KCNA6: variants seen among roughly 807,000 people sequenced by gnomAD.
KCNA6 encodes potassium voltage-gated channel subfamily A member 6.
A neutral mutation model predicts 29.5 loss-of-function variants in KCNA6; 17 were observed. The observed-to-expected ratio is 0.58, with a 90% CI of 0.39 to 0.86. The LOEUF (loss-of-function observed/expected upper bound fraction) is 0.86. KCNA6 is among the 40% of genes least tolerant of loss of function. The pLI, the probability that KCNA6 is intolerant of heterozygous loss-of-function variation, is 0.00. For missense variants in KCNA6, 450 were observed against 703.4 expected (o/e 0.64, Z 4.07); for synonymous variants, 296 against 304.7 (o/e 0.97, Z 0.30).
the KCNA6 span, among the ~76,000 whole-genome samples, chr12:4,834,815 GCTGA>G: frequency 6.6e-6 from 1 of 152,162 alleles, no homozygotes; most frequent in Admixed American, 6.5e-5. Context: ...CTCTTTTACA[GCTGA>G]CTTTCAGGAG....
At chr12:4,821,328 G>A in the KCNA6 span, among the ~76,000 whole-genome samples, 3 of 152,260 alleles carry the variant, frequency 2.0e-5, no homozygotes, top group Non-Finnish European at 4.4e-5. Context: ...TGTGCTTCAG[G>A]GGAAGGATCG....
the KCNA6 span, among the ~76,000 whole-genome samples, chr12:4,819,099 C>T: frequency 6.6e-6 from 1 of 152,174 alleles, no homozygotes; most frequent in African/African-American, 2.4e-5. Flanking sequence ...CATGCTTATA[C>T]ATATACCCAC....
the KCNA6 span, among the ~76,000 whole-genome samples, chr12:4,825,863 T>A: frequency 6.6e-6 from 1 of 152,126 alleles, no homozygotes; most frequent in Admixed American, 6.5e-5. Flanking sequence ...GCTTTTGCCT[T>A]ACACTGTAAC....
chr12:4,849,489 CTTTTTTTTTT>C, the KCNA6 span, among the ~76,000 whole-genome samples: 13 of 101,432 alleles, frequency 1.3e-4, no homozygotes, highest in African/African-American at 3.9e-4. Flanking sequence ...GATTTTTGCT[CTTTTTTTTTT>C]TTTTTTTTTT....
the KCNA6 span, among the ~76,000 whole-genome samples, chr12:4,819,377 G>T: frequency 2.0e-5 from 3 of 152,218 alleles, no homozygotes; most frequent in Non-Finnish European, 4.4e-5. Flanking sequence ...CCCTGTTCCA[G>T]TGGCTTTCAA....
the KCNA6 span, among the ~76,000 whole-genome samples, chr12:4,824,769 A>G: frequency 3.9e-5 from 6 of 152,234 alleles, no homozygotes; most frequent in Non-Finnish European, 8.8e-5. Context: ...GCGTAAGGTC[A>G]ACACTTTTCT....
At chr12:4,835,344 C>T in the KCNA6 span, among the ~76,000 whole-genome samples, 2 of 152,088 alleles carry the variant, frequency 1.3e-5, no homozygotes, top group East Asian at 3.9e-4. Flanking sequence ...CCGTGTTAGC[C>T]AGGATGGTCT....
At chr12:4,837,217 G>T in the KCNA6 span, among the ~76,000 whole-genome samples, 1 of 152,202 alleles carries the variant, frequency 6.6e-6, no homozygotes, top group Non-Finnish European at 1.5e-5. Context: ...ACACATTGAG[G>T]TTCCTAGAAG....
chr12:4,810,431 C>G lies in KCNA6; in HGVS notation c.390C>G (p.Ala130=), dbSNP rs777549637. 1 of 1,614,046 alleles carries G rather than the reference C, an allele frequency of 6.2e-7. No individual in the cohort carries two copies. The highest frequency in any genetic ancestry group is 8.5e-7 in the Non-Finnish European group (1 of 1,179,982). ...GCTTCTACCAGCTGGGGGACGAGGC[C>G]CTGGCGGCCTTCCGGGAGGACGAGG... Residue 130 remains alanine (A), a synonymous_variant, in exon 1 of 1, where the codon GCC becomes GCG. Coordinates refer to ENST00000280684, the Ensembl canonical transcript of KCNA6. The surrounding 1 kb of genome is among the most constrained non-coding windows in gnomAD (Gnocchi z 7.5).
At chr12:4,838,628 A>G in the KCNA6 span, among the ~76,000 whole-genome samples, 16 of 152,244 alleles carry the variant, frequency 1.1e-4, no homozygotes, top group Non-Finnish European at 1.5e-4. Flanking sequence ...CCTATCTGCC[A>G]TAACTAAATA....
At chr12:4,847,816 G>A in the KCNA6 span, among the ~76,000 whole-genome samples, 7 of 152,194 alleles carry the variant, frequency 4.6e-5, no homozygotes, top group Non-Finnish European at 1.0e-4. Context: ...TGTCTTTGGA[G>A]CTTGTGGAGT....
chr12:4,822,873 C>T, the KCNA6 span, among the ~76,000 whole-genome samples: 4 of 152,350 alleles, frequency 2.6e-5, no homozygotes, highest in South Asian at 8.3e-4. Flanking sequence ...GATCTTGCCT[C>T]TCCTGGGTTA....
chr12:4,829,186 G>A, the KCNA6 span, among the ~76,000 whole-genome samples: 1 of 152,102 alleles, frequency 6.6e-6, no homozygotes, highest in African/African-American at 2.4e-5. Context: ...AGGCACGTTG[G>A]CTGGGAAATG....
At chr12:4,814,584 AGCACCAAGAGAATAT>A (rs1322673004), downstream of KCNA6, 1 of 167,130 alleles carries the variant, frequency 6.0e-6, no homozygotes, top group Non-Finnish European at 1.5e-5. This position sits in a 1 kb window ranked among gnomAD's most constrained non-coding sequence, Gnocchi z 4.6. Context: ...TTGTGCCTTG[AGCACCAAGAGAATAT>A]GCACTCTGGG....
chr12:4,834,477 C>A, the KCNA6 span, among the ~76,000 whole-genome samples: 2 of 152,122 alleles, frequency 1.3e-5, no homozygotes, highest in African/African-American at 4.8e-5. Flanking sequence ...AAGGTCATGT[C>A]TAGATGGCAG....
the KCNA6 span, among the ~76,000 whole-genome samples, chr12:4,848,977 G>T: frequency 7.3e-5 from 11 of 151,718 alleles, no homozygotes; most frequent in African/African-American, 2.4e-4. Flanking sequence ...AAAATTAGCC[G>T]GGTGTGGTAG....
the KCNA6 span, among the ~76,000 whole-genome samples, chr12:4,842,043 G>GTGTT: frequency 6.7e-6 from 1 of 150,240 alleles, no homozygotes; most frequent in Non-Finnish European, 1.5e-5. Flanking sequence ...GTGTGTGTGT[G>GTGTT]TGTGTGTGTG....
chr12:4,844,539 C>T, the KCNA6 span, among the ~76,000 whole-genome samples: 1 of 152,084 alleles, frequency 6.6e-6, no homozygotes, highest in Non-Finnish European at 1.5e-5. The surrounding 1 kb of genome is among the most constrained non-coding windows in gnomAD (Gnocchi z 4.0). Context: ...TGCAAAGGCC[C>T]TGAGGTGGGA....
At chr12:4,843,434 C>A in the KCNA6 span, among the ~76,000 whole-genome samples, 3 of 152,282 alleles carry the variant, frequency 2.0e-5, no homozygotes, top group South Asian at 6.2e-4. Context: ...CCTGCCTCGG[C>A]CTCCCAAAGT....
Sources: gnomAD v4.1 joint callset for allele counts (sites outside exome capture counted in the v4.1 genomes callset) on GRCh38, gnomAD v4.1.1 for gene constraint, Gnocchi (gnomAD v3.1) non-coding constraint, MANE v1.5 for transcripts, NCBI Gene and HGNC (gene_info 2026-07-23, HGNC 2026-07-21) for gene names.